NBEA: variants seen among roughly 807,000 people sequenced by gnomAD.
NBEA encodes the protein lysosomal-trafficking regulator 2.
A neutral mutation model predicts 343.4 loss-of-function variants in NBEA; 44 were observed. The observed-to-expected ratio is 0.13, with a 90% confidence interval of 0.10 to 0.16. NBEA has a LOEUF of 0.16. NBEA is among the 10% of genes least tolerant of loss of function. The pLI is 1.00. For synonymous variants in NBEA, 1,175 were observed against 1,238.7 expected (o/e 0.95, Z 1.08); for missense variants, 2,555 against 3,631.3 (o/e 0.70, Z 7.62).
At chr13:35,087,376 A>G (rs1201343623) in intron 10 of NBEA, among the ~76,000 whole-genome samples, 1 of 151,948 alleles carries the variant, frequency 6.6e-6, no homozygotes, top group African/African-American at 2.4e-5. Flanking sequence ...AGGAAATTTT[A>G]GAGTACACTC....
intron 30 of NBEA, among the ~76,000 whole-genome samples, chr13:35,188,995 C>T (rs1339329355): frequency 1.3e-5 from 2 of 149,478 alleles, no homozygotes; most frequent in African/African-American, 4.9e-5. Flanking sequence ...TCCTGGCTCA[C>T]TGCAACCTCC....
chr13:34,957,090 C>T (rs1803024188), intron 1 of NBEA, among the ~76,000 whole-genome samples: 1 of 152,070 alleles, frequency 6.6e-6, no homozygotes, highest in South Asian at 2.1e-4. Flanking sequence ...CAAACACATA[C>T]ACACACACAT....
At chr13:35,289,311 ATGTT>A (rs2035643717) in intron 34 of NBEA, among the ~76,000 whole-genome samples, 1 of 151,914 alleles carries the variant, frequency 6.6e-6, no homozygotes, top group Non-Finnish European at 1.5e-5. Flanking sequence ...AAAACTATGA[ATGTT>A]CTTGTTACAC....
chr13:35,147,138 T>G (rs1249062428), intron 18 of NBEA, among the ~76,000 whole-genome samples: 1 of 152,232 alleles, frequency 6.6e-6, no homozygotes, highest in Non-Finnish European at 1.5e-5. Context: ...TTTCTTTTTC[T>G]TAGATCAACT....
chr13:35,236,707 C>T (rs1230484383), intron 34 of NBEA, among the ~76,000 whole-genome samples: 2 of 151,496 alleles, frequency 1.3e-5, no homozygotes, highest in South Asian at 2.1e-4. Flanking sequence ...CCGCCCGCCT[C>T]GGCCTCCCAG....
intron 1 of NBEA, among the ~76,000 whole-genome samples, chr13:35,032,651 A>C (rs2062276988): frequency 6.6e-6 from 1 of 151,116 alleles, no homozygotes; most frequent in Non-Finnish European, 1.5e-5. Context: ...TTTTCTTCAC[A>C]TTTTTGCCAG....
intron 36 of NBEA, among the ~76,000 whole-genome samples, chr13:35,339,430 A>G (rs565230515): frequency 6.6e-6 from 1 of 152,268 alleles, no homozygotes; most frequent in South Asian, 2.1e-4. Context: ...AATAAAATGT[A>G]ACAATGATAT....
intron 11 of NBEA, among the ~76,000 whole-genome samples, chr13:35,101,617 G>A (rs1422151500): frequency 6.6e-6 from 1 of 151,318 alleles, no homozygotes; most frequent in Non-Finnish European, 1.5e-5. Context: ...CTTAATAGAC[G>A]GATGATTAAC....
chr13:35,502,418 C>T (rs958793), intron 41 of NBEA, among the ~76,000 whole-genome samples: 96,203 of 151,790 alleles, frequency 0.63, 30,671 homozygotes, highest in Admixed American at 0.7. Flanking sequence ...GTTTTAGGCT[C>T]AGTTTTAAGT....
intron 11 of NBEA, among the ~76,000 whole-genome samples, chr13:35,107,567 A>G (rs2065978267): frequency 6.6e-6 from 1 of 152,060 alleles, no homozygotes; most frequent in Admixed American, 6.6e-5. Flanking sequence ...TGAACTTAGT[A>G]ACCTCTAACA....
intron 38 of NBEA, among the ~76,000 whole-genome samples, chr13:35,422,523 C>G (rs1180125049): frequency 1.3e-5 from 2 of 152,020 alleles, no homozygotes; most frequent in African/African-American, 4.8e-5. Context: ...GTATATGTGC[C>G]ACATTTTCTT....
At chr13:35,014,771 G>A (rs1186038482) in intron 1 of NBEA, among the ~76,000 whole-genome samples, 3 of 151,948 alleles carry the variant, frequency 2.0e-5, no homozygotes, top group South Asian at 2.1e-4. Context: ...GGACAGGGGC[G>A]GGGCCCTACC....
intron 38 of NBEA, 45 bp from the exon 39 acceptor site, chr13:35,432,224 T>C (rs779957855): frequency 1.3e-6 from 2 of 1,491,732 alleles, no homozygotes; most frequent in Non-Finnish European, 1.8e-6. Flanking sequence ...TTTCCAGCTA[T>C]GCATTGTTAT....
At chr13:35,163,164 A>G (rs2069703259) in intron 23 of NBEA, among the ~76,000 whole-genome samples, 1 of 152,104 alleles carries the variant, frequency 6.6e-6, no homozygotes, top group African/African-American at 2.4e-5. Context: ...GGCTCTCATG[A>G]AATTACCCAG....
At chr13:35,130,655 A>G (rs1228766409) in intron 17 of NBEA, among the ~76,000 whole-genome samples, 1 of 151,934 alleles carries the variant, frequency 6.6e-6, no homozygotes, top group Non-Finnish European at 1.5e-5. Context: ...ATTACAAAAA[A>G]TCTCAAAAGT....
At chr13:35,229,247 G>A (rs1480173161) in intron 33 of NBEA, among the ~76,000 whole-genome samples, 2 of 152,034 alleles carry the variant, frequency 1.3e-5, no homozygotes, top group African/African-American at 4.8e-5. Flanking sequence ...GCTCAGGCTG[G>A]TCTTGAACTC....
chr13:35,332,914 T>C (rs77113347), intron 36 of NBEA, among the ~76,000 whole-genome samples: 3,077 of 152,114 alleles, frequency 0.02, 68 homozygotes, highest in African/African-American at 0.053. Flanking sequence ...CTCCCCACTA[T>C]AAATTAGTGC....
intron 1 of NBEA, among the ~76,000 whole-genome samples, chr13:34,977,187 G>A (rs1186320355): frequency 6.6e-6 from 1 of 151,670 alleles, no homozygotes; most frequent in Non-Finnish European, 1.5e-5. Flanking sequence ...TGATCCGCCT[G>A]CCTTGGCCTC....
In NBEA at chr13:35,279,991, A is replaced by T. The variant is rs909534038; in HGVS notation, c.5777-10398A>T. Among the ~76,000 whole-genome samples, 13 of 152,282 alleles carry T rather than the reference A, an allele frequency of 8.5e-5. No individual in the cohort carries two copies. The South Asian group carries it at 2.5e-3, about 29-fold the overall frequency. On this transcript the variant is annotated intron_variant, in intron 34 of 58. Coordinates refer to ENST00000379939, the MANE Select transcript of NBEA (RefSeq NM_001385012.1). ...TGATTTTTTAAAGGACAATTTTAAC[A>T]TATAAGACTATTTTCTAATTTTTAA...
Sources: gnomAD v4.1 joint callset for allele counts (sites outside exome capture counted in the v4.1 genomes callset) on GRCh38, gnomAD v4.1.1 for gene constraint, MANE v1.5 for transcripts, NCBI Gene and HGNC (gene_info 2026-07-23, HGNC 2026-07-21) for gene names.